AK5: variants seen among roughly 807,000 people sequenced by gnomAD.
AK5 encodes the protein adenylate kinase isoenzyme 5.
Under a neutral mutation model 69.5 loss-of-function variants are expected in AK5, and 27 were observed. The ratio of observed to expected loss-of-function variants is 0.39; its 90% CI spans 0.29 to 0.54. AK5 has a LOEUF of 0.54. AK5 is among the 20% of genes least tolerant of loss of function. The pLI is 0.71. For synonymous variants in AK5, 260 were observed against 244.4 expected (o/e 1.06, Z -0.60); for missense variants, 531 against 700.4 (o/e 0.76, Z 2.73).
chr1:77,294,037 A>G, intron 3 of AK5, 77 bp downstream of exon 3: 4 of 1,325,332 alleles, frequency 3.0e-6, no homozygotes, highest in Non-Finnish European at 4.2e-6. Context: ...AAAGTAAATC[A>G]TATATGTGCA....
chr1:77,525,434 G>A (rs919077546), intron 12 of AK5, among the ~76,000 whole-genome samples: 3 of 152,212 alleles, frequency 2.0e-5, no homozygotes, highest in Non-Finnish European at 4.4e-5. Context: ...CAGGAAGCAT[G>A]GCATTGACAT....
At chr1:77,429,817 G>A (rs983536432) in intron 8 of AK5, among the ~76,000 whole-genome samples, 10 of 152,152 alleles carry the variant, frequency 6.6e-5, no homozygotes, top group Non-Finnish European at 1.2e-4. Context: ...AAGTATGTAT[G>A]AGAACAGGAA....
chr1:77,458,150 G>A (rs1490600083), intron 8 of AK5, among the ~76,000 whole-genome samples: 1 of 151,424 alleles, frequency 6.6e-6, no homozygotes, highest in Non-Finnish European at 1.5e-5. Flanking sequence ...TGTCAGGGGT[G>A]GTTCCTTCTG....
At chr1:77,311,997 C>T (rs1659984357) in intron 5 of AK5, among the ~76,000 whole-genome samples, 1 of 152,140 alleles carries the variant, frequency 6.6e-6, no homozygotes, top group East Asian at 1.9e-4. Flanking sequence ...ATCCCTTCCT[C>T]CCCTACAGCT....
intron 8 of AK5, among the ~76,000 whole-genome samples, chr1:77,420,092 T>C (rs541222314): frequency 3.3e-4 from 49 of 149,990 alleles, no homozygotes; most frequent in African/African-American, 1.1e-3. Flanking sequence ...ATAAACATAG[T>C]AAATTAGTCA....
chr1:77,358,419 A>T (rs1662665465), intron 6 of AK5, among the ~76,000 whole-genome samples: 1 of 152,158 alleles, frequency 6.6e-6, no homozygotes, highest in Non-Finnish European at 1.5e-5. Flanking sequence ...TACAGAACGC[A>T]CAAATGAAAT....
chr1:77,447,503 C>T (rs1652825649), intron 8 of AK5, among the ~76,000 whole-genome samples: 1 of 152,178 alleles, frequency 6.6e-6, no homozygotes, highest in African/African-American at 2.4e-5. Flanking sequence ...ACAGGATATA[C>T]TCTAGGGTTA....
intron 13 of AK5, among the ~76,000 whole-genome samples, chr1:77,548,785 C>A (rs988826033): frequency 6.6e-6 from 1 of 151,868 alleles, no homozygotes; most frequent in African/African-American, 2.4e-5. Flanking sequence ...CTCATTTAGT[C>A]ATATGTTCTG....
At chr1:77,300,455 G>A (rs567388197) in intron 5 of AK5, among the ~76,000 whole-genome samples, 2 of 152,282 alleles carry the variant, frequency 1.3e-5, no homozygotes, top group East Asian at 1.9e-4. Context: ...CTCATCCTGC[G>A]GGAGTTAAGC....
chr1:77,304,561 A>T (rs975506833), intron 5 of AK5, among the ~76,000 whole-genome samples: 9 of 151,396 alleles, frequency 5.9e-5, no homozygotes, highest in South Asian at 2.1e-4. Flanking sequence ...ATGCACCACC[A>T]CGCCCAACTA....
intron 13 of AK5, among the ~76,000 whole-genome samples, chr1:77,551,116 G>T (rs1050057215): frequency 2.0e-5 from 3 of 152,158 alleles, no homozygotes; most frequent in African/African-American, 7.2e-5. Context: ...GGTGGGGGTT[G>T]CAGTGAACTT....
intron 6 of AK5, among the ~76,000 whole-genome samples, chr1:77,376,458 A>AAAAAAAAAAAAAG (rs1647256973): frequency 6.9e-6 from 1 of 145,272 alleles, no homozygotes; most frequent in African/African-American, 2.5e-5. Context: ...AAACAAAAAA[A>AAAAAAAAAAAAAG]AAAAACATGT....
At chr1:77,481,046 T>C (rs1206014767) in intron 8 of AK5, among the ~76,000 whole-genome samples, 1 of 152,204 alleles carries the variant, frequency 6.6e-6, no homozygotes, top group African/African-American at 2.4e-5. Context: ...TCATCCCAGC[T>C]TGAGGCAGGG....
At chr1:77,448,248 TGTG>T (rs1487759847) in intron 8 of AK5, among the ~76,000 whole-genome samples, 1 of 152,136 alleles carries the variant, frequency 6.6e-6, no homozygotes, top group Admixed American at 6.5e-5. Flanking sequence ...AGTAAGAACT[TGTG>T]GTGCTCTTTT....
intron 6 of AK5, among the ~76,000 whole-genome samples, chr1:77,398,830 A>G (rs1417368050): frequency 6.6e-6 from 1 of 152,220 alleles, no homozygotes; most frequent in Admixed American, 6.5e-5. Flanking sequence ...AATACCTAGA[A>G]CAAAGTAGGT....
intron 10 of AK5, among the ~76,000 whole-genome samples, chr1:77,492,047 T>C (rs1482826939): frequency 6.6e-6 from 1 of 152,234 alleles, no homozygotes; most frequent in African/African-American, 2.4e-5. Context: ...TTAGATGCTC[T>C]TTCAGAAAGT....
At chr1:77,399,076 G>A (rs1649023239) in intron 6 of AK5, among the ~76,000 whole-genome samples, 1 of 151,972 alleles carries the variant, frequency 6.6e-6, no homozygotes, top group Non-Finnish European at 1.5e-5. Context: ...ACTACATTGG[G>A]GTTTATTTCA....
intron 6 of AK5, among the ~76,000 whole-genome samples, chr1:77,380,457 C>T (rs542917293): frequency 6.6e-6 from 1 of 152,310 alleles, no homozygotes; most frequent in East Asian, 1.9e-4. Flanking sequence ...CCATTCCCCA[C>T]ATTTCATCTG....
intron 8 of AK5, among the ~76,000 whole-genome samples, chr1:77,432,823 A>G (rs1651727556): frequency 6.6e-6 from 1 of 152,214 alleles, no homozygotes; most frequent in African/African-American, 2.4e-5. Context: ...GCTGATTGTG[A>G]AATCTGAATT....
Sources: allele counts gnomAD v4.1 joint callset (sites outside exome capture counted in the v4.1 genomes callset), GRCh38; gene constraint gnomAD v4.1.1; transcripts MANE v1.5; gene names NCBI Gene and HGNC (gene_info 2026-07-23, HGNC 2026-07-21).